C8orf34: variants seen among roughly 807,000 people sequenced by gnomAD.
The protein encoded by C8orf34 is chromosome 8 open reading frame 34, also known as uncharacterized protein C8orf34.
In C8orf34, 65 loss-of-function variants were observed where a neutral mutation model predicts 68.3. The observed-to-expected ratio is 0.95, with a 90% CI of 0.78 to 1.17. The LOEUF is 1.17. Ranked by LOEUF, C8orf34 falls within the 50% of genes most tolerant of loss-of-function variation. C8orf34 has a pLI of 0.00. For missense variants in C8orf34, 664 were observed against 655.4 expected (o/e 1.01, Z -0.14); for synonymous variants, 244 against 241.2 (o/e 1.01, Z -0.11).
chr8:68,493,291 AATT>A (rs1434697076), intron 5 of C8orf34, among the ~76,000 whole-genome samples: 1 of 133,250 alleles, frequency 7.5e-6, no homozygotes, highest in Non-Finnish European at 1.7e-5. Context: ...AACAAAAACT[AATT>A]ACTCAATTAA....
At position 68,654,902 on chromosome 8, in the gene C8orf34, A is replaced by G. The variant is rs546733316; in HGVS notation, c.1241+14391A>G. ...GTCAAGAATATTTTGAAACTAGTATATATAAACTAGAATAAAATTACACTT... is the reference window on the plus strand; with the variant it reads ...GTCAAGAATATTTTGAAACTAGTATGTATAAACTAGAATAAAATTACACTT... On this transcript the variant is annotated intron_variant, in intron 8 of 13. Coordinates refer to ENST00000518698, the MANE Select transcript of C8orf34 (RefSeq NM_052958.4). Among the ~76,000 whole-genome samples the G allele has an allele frequency of 4.2e-4, 64 of 152,300 alleles. No homozygotes were observed. The South Asian group carries it at 0.013, about 30-fold the overall frequency.
intron 12 of C8orf34, among the ~76,000 whole-genome samples, chr8:68,797,786 G>A (rs552517691): frequency 1.3e-5 from 2 of 152,164 alleles, no homozygotes; most frequent in East Asian, 3.9e-4. Context: ...AGTCAATTAG[G>A]TCAGATAAGT....
intron 12 of C8orf34, among the ~76,000 whole-genome samples, chr8:68,806,188 C>T (rs1824478034): frequency 6.6e-6 from 1 of 151,894 alleles, no homozygotes; most frequent in Admixed American, 6.6e-5. Flanking sequence ...TTTAAAACAC[C>T]ATAAGGCTTT....
intron 10 of C8orf34, 41 bp downstream of exon 10, chr8:68,721,478 C>T (rs201313751): frequency 1.5e-6 from 2 of 1,310,008 alleles, no homozygotes; most frequent in South Asian, 2.5e-5. Flanking sequence ...ATTGCTAAAA[C>T]TAATTTAAAT....
intron 8 of C8orf34, among the ~76,000 whole-genome samples, chr8:68,682,372 T>A (rs1183493922): frequency 2.0e-5 from 3 of 152,178 alleles, no homozygotes; most frequent in Admixed American, 2.0e-4. Context: ...AAAAAGATAT[T>A]TTTTTAAGGG....
chr8:68,663,378 T>C (rs181320355), intron 8 of C8orf34, among the ~76,000 whole-genome samples: 1 of 152,314 alleles, frequency 6.6e-6, no homozygotes, highest in East Asian at 1.9e-4. Flanking sequence ...ATTTGTTTTC[T>C]TACAAATTAG....
chr8:68,710,655 G>A (rs1233730045), intron 9 of C8orf34, among the ~76,000 whole-genome samples: 3 of 152,062 alleles, frequency 2.0e-5, no homozygotes, highest in East Asian at 1.9e-4. Flanking sequence ...GAGCTCAGAC[G>A]CACCTATCTC....
intron 8 of C8orf34, among the ~76,000 whole-genome samples, chr8:68,655,899 G>T (rs188570197): frequency 6.6e-6 from 1 of 152,224 alleles, no homozygotes; most frequent in Admixed American, 6.5e-5. Flanking sequence ...TGAATATCTA[G>T]CCTTAGGCCC....
chr8:68,475,797 GC>G lies in C8orf34; in HGVS notation c.736+6978del, dbSNP rs556950280. 2.3e-3 allele frequency among the ~76,000 whole-genome samples: 349 copies of G among 152,334 alleles called. 6 individuals are homozygous for G. The highest frequency in any genetic ancestry group is 8.2e-3 in the African/African-American group (341 of 41,592). On this transcript the variant is annotated intron_variant, in intron 4 of 13. Coordinates refer to ENST00000518698, the MANE Select transcript of C8orf34 (RefSeq NM_052958.4). ...GTTTCCAGTGTTCTCTGGGTCTAAT[GC>G]TTTTGCTGCTTCTGACAGCTCCCTG... is the stretch of plus-strand genomic sequence containing the variant.
At chr8:68,497,796 C>T (rs28575306) in intron 5 of C8orf34, among the ~76,000 whole-genome samples, 58,177 of 151,052 alleles carry the variant, frequency 0.39, 11,478 homozygotes, top group African/African-American at 0.43. Flanking sequence ...TAAGTAAGTG[C>T]AATGAAAATA....
At chr8:68,462,923 A>G (rs202197234) in intron 3 of C8orf34, among the ~76,000 whole-genome samples, 39 of 151,916 alleles carry the variant, frequency 2.6e-4, no homozygotes, top group African/African-American at 5.3e-4. Flanking sequence ...CTAACAGAAG[A>G]CAAGAAATAA....
chr8:68,479,211 G>T (rs746347237), intron 4 of C8orf34, among the ~76,000 whole-genome samples: 2 of 152,118 alleles, frequency 1.3e-5, no homozygotes. Context: ...TGCAGTGGAC[G>T]GAAGAAGGAA....
intron 1 of C8orf34, among the ~76,000 whole-genome samples, chr8:68,343,108 A>G (rs1806137512): frequency 6.6e-6 from 1 of 152,184 alleles, no homozygotes. Context: ...AAATTAACCA[A>G]CACTCCCTCT....
intron 3 of C8orf34, among the ~76,000 whole-genome samples, chr8:68,455,988 G>A (rs1811532003): frequency 6.6e-6 from 1 of 151,686 alleles, no homozygotes; most frequent in South Asian, 2.1e-4. Flanking sequence ...GCTCACGCCT[G>A]TAATTCCAGC....
chr8:68,338,501 C>T (rs1195354582), intron 1 of C8orf34, among the ~76,000 whole-genome samples: 2 of 152,142 alleles, frequency 1.3e-5, no homozygotes, highest in East Asian at 3.9e-4. Flanking sequence ...TGACTGATCT[C>T]CTTTTTGTCA....
At chr8:68,387,466 A>G (rs1471110026) in intron 1 of C8orf34, among the ~76,000 whole-genome samples, 1 of 152,162 alleles carries the variant, frequency 6.6e-6, no homozygotes, top group Non-Finnish European at 1.5e-5. Flanking sequence ...AGTGTGAGGT[A>G]TGGGCAAGGA....
intron 3 of C8orf34, among the ~76,000 whole-genome samples, chr8:68,466,327 G>T (rs966387024): frequency 1.3e-5 from 2 of 151,924 alleles, no homozygotes; most frequent in Admixed American, 1.3e-4. Flanking sequence ...GAAGAGTAGG[G>T]TGACTATAGT....
In C8orf34 at chr8:68,679,790, A is replaced by T. The variant is rs1353522077; in HGVS notation, c.1242-29204A>T. On this transcript the variant is annotated intron_variant, in intron 8 of 13. Transcript: ENST00000518698. ...AAAGAAATTCATACATTTAAAGTGAACTCGTTTTCAACAAAGGTGCCAAGA... is the reference window on the plus strand; with the variant it reads ...AAAGAAATTCATACATTTAAAGTGATCTCGTTTTCAACAAAGGTGCCAAGA... Among the ~76,000 whole-genome samples, 3 of 152,286 alleles carry T rather than the reference A, an allele frequency of 2.0e-5. No individual in the cohort carries two copies. The East Asian group carries it at 5.8e-4, about 29-fold the overall frequency.
At chr8:68,797,057 T>C (rs762610923) in intron 12 of C8orf34, among the ~76,000 whole-genome samples, 1 of 152,062 alleles carries the variant, frequency 6.6e-6, no homozygotes, top group Admixed American at 6.5e-5. Context: ...AAACTCCTGA[T>C]CTTAGGTGAT....
Sources: allele counts gnomAD v4.1 joint callset (sites outside exome capture counted in the v4.1 genomes callset), GRCh38; gene constraint gnomAD v4.1.1; transcripts MANE v1.5; gene names NCBI Gene and HGNC (gene_info 2026-07-23, HGNC 2026-07-21).